The following AMPH variants were observed in gnomAD, a reference collection of about 807,000 sequenced individuals.
The protein encoded by AMPH is amphiphysin.
Under a neutral mutation model 99.1 loss-of-function variants are expected in AMPH, and 49 were observed. The observed-to-expected ratio is 0.49, with a 90% confidence interval of 0.39 to 0.63. The LOEUF (loss-of-function observed/expected upper bound fraction) is 0.63, where lower values mean the gene tolerates loss of function less well. AMPH is among the 20% of genes least tolerant of loss of function. The pLI, the probability that AMPH is intolerant of heterozygous loss-of-function variation, is 0.00. For synonymous variants in AMPH, 314 were observed against 317.3 expected, an observed-to-expected ratio of 0.99 and a Z score of 0.11; for missense variants, 759 against 863.4, an observed-to-expected ratio of 0.88 and a Z score of 1.52.
At chr7:38,622,660 T>C (rs1794114104) in intron 1 of AMPH, among the ~76,000 whole-genome samples, 1 of 152,134 alleles carries the variant, frequency 6.6e-6, no homozygotes, top group Non-Finnish European at 1.5e-5. Context: ...TAGATAATTC[T>C]AGGCACAATG....
intron 5 of AMPH, among the ~76,000 whole-genome samples, chr7:38,482,348 T>C (rs1390357972): frequency 6.6e-6 from 1 of 152,242 alleles, no homozygotes; most frequent in East Asian, 1.9e-4. Flanking sequence ...AATCTCTACA[T>C]GGTTCAGAAA....
At chr7:38,498,720 T>C (rs1789019830) in intron 3 of AMPH, among the ~76,000 whole-genome samples, 1 of 152,208 alleles carries the variant, frequency 6.6e-6, no homozygotes, top group South Asian at 2.1e-4. Flanking sequence ...AATAACTATT[T>C]TTCTAAAATG....
At chr7:38,424,890 G>A (rs568000842) in intron 15 of AMPH, among the ~76,000 whole-genome samples, 40 of 152,076 alleles carry the variant, frequency 2.6e-4, no homozygotes, top group Non-Finnish European at 4.3e-4. Context: ...AGAGGAAGCA[G>A]GTTTCTTACA....
In AMPH at chr7:38,591,792, C is replaced by T. The variant is rs187773722; in HGVS notation, c.69+39491G>A. Among the ~76,000 whole-genome samples, 4 of 152,328 alleles carry T rather than the reference C, an allele frequency of 2.6e-5. No homozygotes were observed. The East Asian group carries it at 7.7e-4, about 29-fold the overall frequency. On this transcript the variant is annotated intron_variant, in intron 1 of 20. Transcript: ENST00000356264. Reference sequence around the variant, plus strand: ...TCTGTTCACTGCCCTGACACTTGTCCCAAGGAACCAACTATATCCCTTGAG... The same window carrying T: ...TCTGTTCACTGCCCTGACACTTGTCTCAAGGAACCAACTATATCCCTTGAG...
In AMPH at chr7:38,383,829, G is replaced by A. The variant is rs372955983; in HGVS notation, c.*989C>T. ...ATTTTACTTTAGAACAATCTGTGAAGATGAGTTGCATAAATAGAAAGAGGT... is the reference window on the plus strand; with the variant it reads ...ATTTTACTTTAGAACAATCTGTGAAAATGAGTTGCATAAATAGAAAGAGGT... On this transcript the variant is annotated 3_prime_UTR_variant, in exon 21 of 21. Transcript: ENST00000356264. 4.6e-5 allele frequency: 7 copies of A among 152,770 alleles called. 1 individual carries two copies. The East Asian group carries it at 7.7e-4, about 17-fold the overall frequency. The allele number at this position is 152,770 out of a possible 1,614,324, so 9.5% of individuals were successfully genotyped here.
At chr7:38,590,439 CACAG>C (rs1296630020) in intron 1 of AMPH, among the ~76,000 whole-genome samples, 3 of 152,144 alleles carry the variant, frequency 2.0e-5, no homozygotes, top group African/African-American at 7.2e-5. Flanking sequence ...CCAGAACAAA[CACAG>C]ACCAGAAGAG....
intron 17 of AMPH, among the ~76,000 whole-genome samples, chr7:38,404,008 G>C (rs1198527636): frequency 6.6e-6 from 1 of 152,190 alleles, no homozygotes; most frequent in Non-Finnish European, 1.5e-5. Flanking sequence ...ACAAGTCACA[G>C]AGCTGTCTGC....
At chr7:38,468,990 T>TA (rs1485858072) in intron 7 of AMPH, among the ~76,000 whole-genome samples, 1 of 116,980 alleles carries the variant, frequency 8.5e-6, no homozygotes, top group Non-Finnish European at 1.7e-5. Context: ...CCGTCTCTAC[T>TA]AAAAATACAA....
intron 5 of AMPH, among the ~76,000 whole-genome samples, chr7:38,487,700 G>T (rs1788557782): frequency 6.6e-6 from 1 of 152,108 alleles, no homozygotes; most frequent in African/African-American, 2.4e-5. Flanking sequence ...AAGAGCTTCT[G>T]CACAGCAAAA....
intron 1 of AMPH, among the ~76,000 whole-genome samples, chr7:38,570,221 C>T (rs145721000): frequency 1.2e-3 from 182 of 152,206 alleles, no homozygotes; most frequent in African/African-American, 4.1e-3. Context: ...GTAATGAATC[C>T]TATATTAGCA....
chr7:38,597,020 G>A (rs1384670801), intron 1 of AMPH, among the ~76,000 whole-genome samples: 5 of 152,158 alleles, frequency 3.3e-5, no homozygotes, highest in Non-Finnish European at 5.9e-5. Context: ...AATAGTCATT[G>A]AATAAGTGAA....
At chr7:38,575,598 T>C (rs2129053607) in intron 1 of AMPH, among the ~76,000 whole-genome samples, 1 of 152,294 alleles carries the variant, frequency 6.6e-6, no homozygotes, top group African/African-American at 2.4e-5. Flanking sequence ...TTTAAACCTC[T>C]CCTTCCTGCT....
rs1411767695 is a variant in AMPH at position 38,523,863 on chromosome 7, G to T, written c.150+11068C>A. Among the ~76,000 whole-genome samples, 3 of 151,980 alleles carry T rather than the reference G, an allele frequency of 2.0e-5. No homozygotes were observed. In the East Asian group the frequency reaches 5.8e-4, roughly 29 times the overall value. On this transcript the variant is annotated intron_variant, in intron 2 of 20. Coordinates refer to ENST00000356264, the MANE Select transcript of AMPH (RefSeq NM_001635.4). ...GTAGGTGACAGTTTGATGAGAAACA[G>T]GACATGTACAGTCTCAAACTATATC... is the stretch of plus-strand genomic sequence containing the variant.
chr7:38,603,887 AG>A (rs1793340923), intron 1 of AMPH, among the ~76,000 whole-genome samples: 1 of 152,258 alleles, frequency 6.6e-6, no homozygotes, highest in Admixed American at 6.5e-5. Context: ...AGCAAAAATA[AG>A]AAAAGAGATG....
Position 38,384,860 on chromosome 7 carries a change from G to A in AMPH, c.2046C>T (p.Tyr682=). The change falls in exon 21 of 21, where the codon TAC becomes TAT. Residue 682 remains tyrosine, a synonymous_variant. Transcript: ENST00000356264. ...TGAAGTTCTCTGGAAAGAGGCCTTTGTAGGTGGCAAGGTCTCTGTACTGAA... is the reference window on the plus strand; with the variant it reads ...TGAAGTTCTCTGGAAAGAGGCCTTTATAGGTGGCAAGGTCTCTGTACTGAA... The part of the protein sequence containing the change: ...DWLQYRDLAT[Y]KGLFPENFTR... The A allele has an allele frequency of 1.2e-6, 2 of 1,614,058 alleles. No individual in the cohort carries two copies. The highest frequency in any genetic ancestry group is 1.7e-6 in the Non-Finnish European group (2 of 1,179,970).
At chr7:38,465,076 A>G (rs112411254) in intron 9 of AMPH, among the ~76,000 whole-genome samples, 9 of 152,352 alleles carry the variant, frequency 5.9e-5, no homozygotes, top group African/African-American at 2.2e-4. Context: ...CGTCAGCATC[A>G]ATGATAACAA....
At chr7:38,498,601 A>G (rs530027379) in intron 3 of AMPH, among the ~76,000 whole-genome samples, 2 of 152,344 alleles carry the variant, frequency 1.3e-5, no homozygotes, top group East Asian at 3.9e-4. Flanking sequence ...TGCCTAGCAT[A>G]TAAGTGCTCA....
intron 17 of AMPH, among the ~76,000 whole-genome samples, chr7:38,406,731 C>CCTCTCTCTCTCTCTCTCTCTCTCTCT (rs56738810): frequency 8.7e-5 from 7 of 80,542 alleles, no homozygotes; most frequent in African/African-American, 3.8e-4. Flanking sequence ...TCTCCCTTTC[C>CCTCTCTCTCTCTCTCTCTCTCTCTCT]CTCTCTCTCT....
At position 38,505,065 on chromosome 7, in the gene AMPH, T is replaced by C. The variant is rs936056502; in HGVS notation, c.151-1361A>G. 3.9e-5 allele frequency among the ~76,000 whole-genome samples: 6 copies of C among 152,122 alleles called. No individual in the cohort carries two copies. The East Asian group carries it at 1.2e-3, about 29-fold the overall frequency. On this transcript the variant is annotated intron_variant, in intron 2 of 20. Coordinates refer to ENST00000356264, the MANE Select transcript of AMPH (RefSeq NM_001635.4). ...TTATAATCTAGTGGGGGAGCTAAAA[T>C]ATATAAGCAAAAAACAAAACAATTG...
Sources: gnomAD v4.1 joint callset for allele counts (sites outside exome capture counted in the v4.1 genomes callset) on GRCh38, gnomAD v4.1.1 for gene constraint, MANE v1.5 for transcripts, NCBI Gene and HGNC (gene_info 2026-07-23, HGNC 2026-07-21) for gene names.